Variants in RALYL observed in about 807,000 individuals in gnomAD.
RALYL encodes the protein RNA-binding Raly-like protein.
RALYL carries 29 observed loss-of-function variants against 35.1 expected under a neutral mutation model. The observed-to-expected ratio is 0.83, with a 90% CI of 0.61 to 1.13. The LOEUF is 1.13. Among genes scored for constraint, RALYL ranks in the 50% most tolerant of loss-of-function variants. The probability of loss-of-function intolerance (pLI) is 0.00; values close to 1 mark genes in which losing one functional copy is unlikely to be tolerated. For synonymous variants in RALYL, 120 were observed against 127.6 expected (o/e 0.94, Z 0.40); for missense variants, 359 against 360.4 (o/e 1.00, Z 0.03).
rs1034738658 is a variant in RALYL, at chr8:84,207,816, GTGTGTATATA to G, written c.-24+23394_-24+23403del. Among the ~76,000 whole-genome samples the G allele has an allele frequency of 5.1e-5, 7 of 137,620 alleles. No individual in the cohort carries two copies. The South Asian group carries it at 1.1e-3, about 22-fold the overall frequency. 90.3% of individuals were successfully genotyped at this position (137,620 alleles called of 152,430 possible). ...TTTCATAATGTGTGTGTGTGTGTGT[GTGTGTATATA>G]TATATATATATATAGAAACATTGCA... is the stretch of plus-strand genomic sequence containing the variant. On this transcript the variant is annotated intron_variant, in intron 1 of 8. Transcript: ENST00000521268.
chr8:84,792,565 G>A (rs1821044985), intron 3 of RALYL, among the ~76,000 whole-genome samples: 1 of 152,176 alleles, frequency 6.6e-6, no homozygotes, highest in Non-Finnish European at 1.5e-5. Context: ...TTCTCATTTA[G>A]GGCCACGGGT....
chr8:84,919,368 T>G (rs191442774), intron 8 of RALYL, among the ~76,000 whole-genome samples: 52 of 152,226 alleles, frequency 3.4e-4, no homozygotes, highest in Admixed American at 7.9e-4. Context: ...TTATTCATTC[T>G]CATAATGATA....
chr8:84,815,374 CTATTT>C (rs1826942117), intron 4 of RALYL, among the ~76,000 whole-genome samples: 1 of 147,486 alleles, frequency 6.8e-6, no homozygotes, highest in African/African-American at 2.5e-5. Context: ...TTAATATTTT[CTATTT>C]TAAACTATTA....
chr8:84,668,432 A>C (rs745579914), intron 2 of RALYL, among the ~76,000 whole-genome samples: 6 of 152,162 alleles, frequency 3.9e-5, no homozygotes, highest in Non-Finnish European at 7.4e-5. Flanking sequence ...GCATTATTTA[A>C]AACAGAACAG....
intron 1 of RALYL, among the ~76,000 whole-genome samples, chr8:84,234,761 A>AT (rs1291821413): frequency 1.8e-4 from 25 of 137,088 alleles, no homozygotes; most frequent in East Asian, 7.0e-4. Flanking sequence ...AATTTTATTT[A>AT]TTTATTTATT....
intron 5 of RALYL, among the ~76,000 whole-genome samples, chr8:84,850,818 C>T (rs1835700219): frequency 6.6e-6 from 1 of 152,132 alleles, no homozygotes; most frequent in African/African-American, 2.4e-5. Flanking sequence ...GACATTCTAT[C>T]AATGTTGTGA....
At chr8:84,375,963 C>T (rs2131525738) in intron 1 of RALYL, among the ~76,000 whole-genome samples, 1 of 151,844 alleles carries the variant, frequency 6.6e-6, no homozygotes, top group Non-Finnish European at 1.5e-5. Flanking sequence ...CTCAAATAAG[C>T]AGAATAGAAT....
intron 1 of RALYL, among the ~76,000 whole-genome samples, chr8:84,382,755 G>A (rs941343999): frequency 6.6e-6 from 1 of 151,344 alleles, no homozygotes; most frequent in African/African-American, 2.4e-5. Context: ...ACTATTTATG[G>A]TCCCTGTGCT....
At chr8:84,624,473 G>T (rs115455527) in intron 2 of RALYL, among the ~76,000 whole-genome samples, 1,570 of 152,218 alleles carry the variant, frequency 0.01, 32 homozygotes, top group African/African-American at 0.035. Flanking sequence ...TTCAATGCCA[G>T]CACCATTGCA....
At chr8:84,185,151 AAT>A in intron 1 of RALYL, 1 of 867,562 alleles carries the variant, frequency 1.2e-6, no homozygotes, top group South Asian at 1.4e-5. Context: ...GGGATGGGGA[AAT>A]AGTTTCTTAT....
chr8:84,559,095 C>T (rs1160013602), intron 2 of RALYL, among the ~76,000 whole-genome samples: 3 of 151,838 alleles, frequency 2.0e-5, no homozygotes, highest in African/African-American at 7.3e-5. Context: ...CTTCCTCTAA[C>T]ATTTTTTTTA....
chr8:84,432,398 G>T (rs2047240288), intron 1 of RALYL, among the ~76,000 whole-genome samples: 1 of 151,938 alleles, frequency 6.6e-6, no homozygotes, highest in Non-Finnish European at 1.5e-5. Context: ...ATAGGGAGCT[G>T]CTATTCAATA....
At chr8:84,524,502 T>A (rs1312004416) in intron 1 of RALYL, among the ~76,000 whole-genome samples, 2 of 152,182 alleles carry the variant, frequency 1.3e-5, no homozygotes, top group Non-Finnish European at 2.9e-5. Flanking sequence ...CACTGTTTTT[T>A]ATTTTTTATA....
intron 1 of RALYL, among the ~76,000 whole-genome samples, chr8:84,257,312 A>T (rs1358345467): frequency 6.6e-6 from 1 of 152,132 alleles, no homozygotes; most frequent in Non-Finnish European, 1.5e-5. Flanking sequence ...GAATTGCTTT[A>T]TAGAGCATTA....
intron 2 of RALYL, among the ~76,000 whole-genome samples, chr8:84,766,301 T>G (rs183521521): frequency 6.6e-6 from 1 of 152,088 alleles, no homozygotes; most frequent in Non-Finnish European, 1.5e-5. Context: ...GAATCTTTTT[T>G]TGCAGTTTTA....
intron 1 of RALYL, among the ~76,000 whole-genome samples, chr8:84,280,985 A>G (rs1836428685): frequency 6.6e-6 from 1 of 152,118 alleles, no homozygotes; most frequent in Non-Finnish European, 1.5e-5. Flanking sequence ...TTCACACTTC[A>G]GTTTGCATAG....
At chr8:84,778,929 A>G (rs963984849) in intron 3 of RALYL, among the ~76,000 whole-genome samples, 1 of 152,178 alleles carries the variant, frequency 6.6e-6, no homozygotes, top group South Asian at 2.1e-4. Flanking sequence ...GATCGAGGAA[A>G]GGGAGCAAAA....
At chr8:84,383,463 A>T (rs1858443246) in intron 1 of RALYL, among the ~76,000 whole-genome samples, 2 of 151,690 alleles carry the variant, frequency 1.3e-5, no homozygotes, top group Admixed American at 1.3e-4. Flanking sequence ...TGGAGGGTAT[A>T]GGAGGCTCCA....
At chr8:84,709,635 C>T (rs2132447133) in intron 2 of RALYL, among the ~76,000 whole-genome samples, 1 of 151,512 alleles carries the variant, frequency 6.6e-6, no homozygotes, top group South Asian at 2.1e-4. Flanking sequence ...CTTCATACTC[C>T]CGAAGGTTGA....
Sources: gnomAD v4.1 joint callset for allele counts (sites outside exome capture counted in the v4.1 genomes callset) on GRCh38, gnomAD v4.1.1 for gene constraint, MANE v1.5 for transcripts, NCBI Gene and HGNC (gene_info 2026-07-23, HGNC 2026-07-21) for gene names.